The following ADAM9 variants were observed in gnomAD, a reference collection of about 807,000 sequenced individuals.
The protein encoded by ADAM9 is ADAM metallopeptidase domain 9.
In ADAM9, 54 loss-of-function variants were observed where a neutral mutation model predicts 108.1. The ratio of observed to expected loss-of-function variants is 0.50; its 90% CI spans 0.40 to 0.63. ADAM9 has a LOEUF of 0.63. Among genes scored for constraint, ADAM9 ranks in the 20% least tolerant of loss-of-function variants. ADAM9 has a pLI of 0.00. For missense variants in ADAM9, 830 were observed against 997.7 expected (o/e 0.83, Z 2.26); for synonymous variants, 316 against 336.0 (o/e 0.94, Z 0.65).
At chr8:39,014,714 A>G in intron 4 of ADAM9, 1 of 557,990 alleles carries the variant, frequency 1.8e-6, no homozygotes, top group Non-Finnish European at 3.2e-6. Context: ...TATTCCCATT[A>G]CATGTGTATG....
intron 14 of ADAM9, among the ~76,000 whole-genome samples, chr8:39,059,352 T>C (rs1838223734): frequency 6.6e-6 from 1 of 152,164 alleles, no homozygotes; most frequent in Non-Finnish European, 1.5e-5. Flanking sequence ...CTGACTAACC[T>C]AGGGAATGGT....
chr8:39,022,097 T>TGTGTGTGTGA (rs1356591377), intron 8 of ADAM9, among the ~76,000 whole-genome samples: 10 of 136,214 alleles, frequency 7.3e-5, no homozygotes, highest in African/African-American at 1.5e-4. Context: ...TGTGTGTGTG[T>TGTGTGTGTGA]GAGAGAGAGA....
chr8:39,020,781 TA>T (rs1836711867), intron 7 of ADAM9, among the ~76,000 whole-genome samples: 1 of 152,232 alleles, frequency 6.6e-6, no homozygotes, highest in African/African-American at 2.4e-5. Flanking sequence ...TTTCTGTCCA[TA>T]AATCTTCTTC....
intron 11 of ADAM9, among the ~76,000 whole-genome samples, chr8:39,030,804 A>G (rs1475359380): frequency 6.6e-6 from 1 of 152,186 alleles, no homozygotes; most frequent in Non-Finnish European, 1.5e-5. Context: ...ATAGGCATGT[A>G]GTGGTATCTC....
chr8:39,085,979 G>T (rs898609823), intron 18 of ADAM9, among the ~76,000 whole-genome samples: 1 of 151,550 alleles, frequency 6.6e-6, no homozygotes, highest in Non-Finnish European at 1.5e-5. Flanking sequence ...ATTGGCTGTT[G>T]ATTTTTTATT....
At chr8:39,069,489 A>G (rs568722747) in intron 14 of ADAM9, among the ~76,000 whole-genome samples, 66 of 152,322 alleles carry the variant, frequency 4.3e-4, no homozygotes, top group African/African-American at 1.4e-3. Context: ...CCAAATAAAT[A>G]TTTATCAAAT....
intron 11 of ADAM9, among the ~76,000 whole-genome samples, chr8:39,041,131 T>A (rs1220008364): frequency 6.6e-6 from 1 of 152,168 alleles, no homozygotes; most frequent in South Asian, 2.1e-4. Context: ...CTCAAAGATA[T>A]AGGTGATGTA....
intron 11 of ADAM9, among the ~76,000 whole-genome samples, chr8:39,036,165 T>A (rs997113816): frequency 3.9e-5 from 6 of 152,150 alleles, no homozygotes; most frequent in Non-Finnish European, 4.4e-5. Flanking sequence ...TTGTTTATGA[T>A]ATTTTGGGGG....
At position 39,014,034 on chromosome 8, in the gene ADAM9, C is replaced by G; in HGVS notation, c.324C>G (p.Pro108=). The G allele has an allele frequency of 6.2e-7, 1 of 1,611,934 alleles. No individual in the cohort carries two copies. The highest frequency in any genetic ancestry group is 8.5e-7 in the Non-Finnish European group (1 of 1,178,182). Residue 108 remains proline, a synonymous_variant, in exon 4 of 22, where the codon CCC becomes CCG. Coordinates refer to ENST00000487273, the MANE Select transcript of ADAM9 (RefSeq NM_003816.3). ...NKEGTLITDH[P]NIQNHCHYRG... is the part of the protein sequence containing the mutation. ...AAGGGACTTTAATCACTGACCATCC[C>G]AATATACAGGTAATGTATTTTTCTC... is the stretch of plus-strand genomic sequence containing the variant.
chr8:39,043,428 C>T (rs942731932), intron 12 of ADAM9, among the ~76,000 whole-genome samples: 11 of 152,058 alleles, frequency 7.2e-5, no homozygotes, highest in Non-Finnish European at 1.0e-4. Flanking sequence ...ACATTCTTGC[C>T]GACACTTGTT....
chr8:39,059,500 C>A (rs1387385458), intron 14 of ADAM9, among the ~76,000 whole-genome samples: 3 of 152,326 alleles, frequency 2.0e-5, no homozygotes, highest in Middle Eastern at 6.8e-3. Context: ...ACTGTGAGTA[C>A]GTGGTTCCTG....
At chr8:39,014,605 C>T in intron 4 of ADAM9, 2 of 701,382 alleles carry the variant, frequency 2.9e-6, no homozygotes, top group Non-Finnish European at 5.2e-6. Flanking sequence ...ATTACTAGAG[C>T]ATAAACATTT....
chr8:39,087,257 C>T (rs1407036694), intron 18 of ADAM9, among the ~76,000 whole-genome samples: 1 of 152,062 alleles, frequency 6.6e-6, no homozygotes, highest in Non-Finnish European at 1.5e-5. Flanking sequence ...TTTTCTGCCT[C>T]TCAGGGATCA....
At chr8:39,032,712 T>G (rs1264810094) in intron 11 of ADAM9, among the ~76,000 whole-genome samples, 2 of 152,224 alleles carry the variant, frequency 1.3e-5, no homozygotes, top group Non-Finnish European at 2.9e-5. Context: ...ATGAACCAGG[T>G]ACCTCAGTTG....
intron 20 of ADAM9, among the ~76,000 whole-genome samples, chr8:39,098,355 G>A (rs996452880): frequency 2.0e-5 from 3 of 151,982 alleles, no homozygotes; most frequent in Admixed American, 1.3e-4. Flanking sequence ...TTTCTTTATT[G>A]CCTCTGTCTC....
intron 12 of ADAM9, among the ~76,000 whole-genome samples, chr8:39,045,526 G>A (rs1040898238): frequency 1.7e-5 from 2 of 117,804 alleles, no homozygotes; most frequent in Admixed American, 9.7e-5. Context: ...ACATATATAT[G>A]TGCATATGTG....
intron 9 of ADAM9, among the ~76,000 whole-genome samples, chr8:39,023,685 C>T (rs985236159): frequency 6.7e-6 from 1 of 149,738 alleles, no homozygotes; most frequent in Non-Finnish European, 1.5e-5. Context: ...TCTGATTACT[C>T]TAGGCCTAAG....
chr8:39,001,616 A>G (rs1835993550), intron 1 of ADAM9, among the ~76,000 whole-genome samples: 1 of 152,268 alleles, frequency 6.6e-6, no homozygotes, highest in South Asian at 2.1e-4. Flanking sequence ...AACACTAAAA[A>G]AAGTAAGAGT....
chr8:39,065,624 C>T lies in ADAM9; in HGVS notation c.1592-5674C>T, dbSNP rs570037192. On this transcript the variant is annotated intron_variant, in intron 14 of 21. Coordinates refer to ENST00000487273, the MANE Select transcript of ADAM9 (RefSeq NM_003816.3). ...GCAGTGAGCCGAGATCGCACCATTG[C>T]ACTCGAGTCTGGGCGACAGTGCGAG... is the stretch of plus-strand genomic sequence containing the variant. 4.7e-5 allele frequency among the ~76,000 whole-genome samples: 6 copies of T among 127,842 alleles called. No individual in the cohort carries two copies. In the East Asian group the frequency reaches 1.4e-3, roughly 31 times the overall value. 83.9% of individuals were successfully genotyped at this position (127,842 alleles called of 152,430 possible).
Sources: gnomAD v4.1 joint callset for allele counts (sites outside exome capture counted in the v4.1 genomes callset) on GRCh38, gnomAD v4.1.1 for gene constraint, MANE v1.5 for transcripts, NCBI Gene and HGNC (gene_info 2026-07-23, HGNC 2026-07-21) for gene names.